Variants in ATXN3 observed in about 807,000 individuals in gnomAD.
ATXN3 encodes the protein ataxin-3.
In ATXN3, 28 loss-of-function variants were observed where a neutral mutation model predicts 58.2. The observed-to-expected ratio is 0.48, with a 90% CI of 0.36 to 0.66. The LOEUF (loss-of-function observed/expected upper bound fraction) is 0.66. ATXN3 is among the 30% of genes least tolerant of loss of function. The probability of loss-of-function intolerance (pLI) is 0.00; values close to 1 mark genes in which losing one functional copy is unlikely to be tolerated. For missense variants in ATXN3, 321 were observed against 422.1 expected, an observed-to-expected ratio of 0.76 and a Z score of 2.10; for synonymous variants, 113 against 138.5, an observed-to-expected ratio of 0.82 and a Z score of 1.29.
intron 8 of ATXN3, 112 bp downstream of exon 8, chr14:92,082,188 T>C (rs1197837807): frequency 1.6e-6 from 2 of 1,218,250 alleles, no homozygotes; most frequent in Non-Finnish European, 2.3e-6. Context: ...AGCTATTGCT[T>C]CTGCAGTAAT....
intron 9 of ATXN3, among the ~76,000 whole-genome samples, chr14:92,078,263 C>A (rs757033446): frequency 1.3e-5 from 2 of 151,826 alleles, no homozygotes; most frequent in Admixed American, 1.3e-4. Flanking sequence ...GGATTAGAGG[C>A]GTGAGCCACC....
At chr14:92,049,839 T>TG (rs1267736703), upstream of ATXN3, 1 of 152,316 alleles carries the variant, frequency 6.6e-6, no homozygotes, top group Non-Finnish European at 1.5e-5. Context: ...ATGAGACATG[T>TG]AAGTATCTGC....
intron 3 of ATXN3, among the ~76,000 whole-genome samples, chr14:92,094,087 C>T (rs2064585269): frequency 1.3e-5 from 2 of 151,754 alleles, no homozygotes; most frequent in Non-Finnish European, 1.5e-5. Flanking sequence ...GGATTACAAG[C>T]ACACGCCACC....
At chr14:92,084,293 T>C (rs767384339) in intron 6 of ATXN3, among the ~76,000 whole-genome samples, 9 of 152,184 alleles carry the variant, frequency 5.9e-5, no homozygotes, top group Non-Finnish European at 8.8e-5. Context: ...ACTAGTAACA[T>C]GGCTAAAACT....
intron 10 of ATXN3, among the ~76,000 whole-genome samples, chr14:92,066,149 T>C (rs1053020315): frequency 6.6e-6 from 1 of 152,122 alleles, no homozygotes. Context: ...GTATAGATGC[T>C]ATGTCATATG....
At chr14:92,106,445 C>T (rs1350394736) in intron 1 of ATXN3, 84 bp downstream of exon 1, 15 of 1,579,844 alleles carry the variant, frequency 9.5e-6, no homozygotes, top group Non-Finnish European at 1.1e-5. Flanking sequence ...TCGGGCCCCA[C>T]CCAGCCCTCC....
At chr14:92,071,747 G>A (rs911134714) in intron 9 of ATXN3, among the ~76,000 whole-genome samples, 5 of 152,164 alleles carry the variant, frequency 3.3e-5, no homozygotes, top group African/African-American at 1.2e-4. Context: ...AAACTACCAT[G>A]TGAGTTAACA....
chr14:92,064,718 G>A (rs1220461618), intron 10 of ATXN3, among the ~76,000 whole-genome samples: 2 of 151,956 alleles, frequency 1.3e-5, no homozygotes, highest in Non-Finnish European at 2.9e-5. Flanking sequence ...TTTCCTGCAC[G>A]TCATATAAAA....
chr14:92,062,933 A>G lies in ATXN3; in HGVS notation c.*1387T>C, dbSNP rs1253345214. 6.6e-6 allele frequency: 1 copy of G among 152,640 alleles called. No individual in the cohort carries two copies. Among genetic ancestry groups the G allele is most frequent in the Non-Finnish European group, 1.5e-5 (1 of 68,038 alleles). The allele number at this position is 152,640 out of a possible 1,614,324, so 9.5% of individuals were successfully genotyped here. ...TGGATTTTAGCTTATGAACAATTCA[A>G]CATTCAAAAGAGCTTCAAAAGGAGA... On this transcript the variant is annotated 3_prime_UTR_variant, in exon 11 of 11. Transcript: ENST00000644486.
intron 10 of ATXN3, among the ~76,000 whole-genome samples, chr14:92,069,138 G>A (rs2058978499): frequency 6.7e-6 from 1 of 148,164 alleles, no homozygotes; most frequent in Non-Finnish European, 1.5e-5. Flanking sequence ...GAGTTCAATG[G>A]CACAATCTTG....
In ATXN3 at chr14:92,096,638, A is replaced by G. The variant is rs1196489036; in HGVS notation, c.189+36T>C. The stretch of plus-strand genomic sequence containing the variant: ...GACTCCGTCTCAAAAAAAAAAAAAA[A>G]AAAGAAATGTGACTTAGTGAGTTTA... On this transcript the variant is annotated intron_variant, in intron 2 of 10. Transcript: ENST00000644486. The G allele has an allele frequency of 3.4e-5, 54 of 1,572,638 alleles. No individual in the cohort carries two copies. In the Admixed American group the frequency reaches 4.5e-4, roughly 13 times the overall value.
intron 10 of ATXN3, among the ~76,000 whole-genome samples, chr14:92,064,680 G>T (rs2140226972): frequency 6.6e-6 from 1 of 152,222 alleles, no homozygotes; most frequent in Non-Finnish European, 1.5e-5. Flanking sequence ...ATAGCCACCA[G>T]TATATTCTCT....
intron 5 of ATXN3, among the ~76,000 whole-genome samples, chr14:92,091,633 TA>T (rs1350865181): frequency 4.1e-5 from 6 of 146,064 alleles, no homozygotes; most frequent in East Asian, 4.2e-4. Flanking sequence ...ATTTACATTT[TA>T]AAAAAAACAG....
At chr14:92,087,267 G>T (rs570414402) in intron 6 of ATXN3, among the ~76,000 whole-genome samples, 116 of 152,274 alleles carry the variant, frequency 7.6e-4, no homozygotes, top group African/African-American at 2.7e-3. Context: ...AGGCTCATCT[G>T]AATTTTGTGA....
chr14:92,090,946 C>CTTTT (rs34338098), intron 5 of ATXN3, among the ~76,000 whole-genome samples: 47 of 116,460 alleles, frequency 4.0e-4, no homozygotes, highest in South Asian at 8.4e-4. Context: ...TGTAAGCTGC[C>CTTTT]TTTTTTTTTT....
intron 10 of ATXN3, among the ~76,000 whole-genome samples, chr14:92,069,330 C>T (rs2059023342): frequency 6.8e-6 from 1 of 147,100 alleles, no homozygotes; most frequent in African/African-American, 2.5e-5. Context: ...CTTGGCCTCC[C>T]AAAGTGCCGG....
intron 10 of ATXN3, among the ~76,000 whole-genome samples, chr14:92,065,552 C>T (rs74357844): frequency 0.022 from 2,963 of 137,088 alleles, 55 homozygotes; most frequent in South Asian, 0.097. Flanking sequence ...TGGGCAATTG[C>T]GTCAGTGGAA....
rs867348795 is a variant in ATXN3 at position 92,060,972 on chromosome 14, T to C, written c.*3348A>G. 5.5e-4 allele frequency: 84 copies of C among 152,236 alleles called. No individual in the cohort carries two copies. The highest frequency in any genetic ancestry group is 2.0e-3 in the African/African-American group (82 of 41,526). The allele number at this position is 152,236 out of a possible 1,614,324, so 9.4% of individuals were successfully genotyped here. ...TGGTCTCGAACTCCCGACCTCGTGATCCACCCACTTCGGCCTCCCAAAATG... is the reference window on the plus strand; with the variant it reads ...TGGTCTCGAACTCCCGACCTCGTGACCCACCCACTTCGGCCTCCCAAAATG... On this transcript the variant is annotated 3_prime_UTR_variant, in exon 11 of 11. Transcript: ENST00000644486.
At position 92,061,388 on chromosome 14, in the gene ATXN3, C is replaced by A. The variant is rs951978650; in HGVS notation, c.*2932G>T. 1 of 152,026 alleles carries A rather than the reference C, an allele frequency of 6.6e-6. No homozygotes were observed. The highest frequency in any genetic ancestry group is 1.9e-4 in the East Asian group (1 of 5,186). The allele number at this position is 152,026 out of a possible 1,614,324, so 9.4% of individuals were successfully genotyped here. Reference sequence around the variant, plus strand: ...ATATTTACATGATTACCGTAAAAAACATAGATTGATGGTTTTAGATCAGAG... The same window carrying A: ...ATATTTACATGATTACCGTAAAAAAAATAGATTGATGGTTTTAGATCAGAG... On this transcript the variant is annotated 3_prime_UTR_variant, in exon 11 of 11. Transcript: ENST00000644486.
Sources: allele counts gnomAD v4.1 joint callset (sites outside exome capture counted in the v4.1 genomes callset), GRCh38; gene constraint gnomAD v4.1.1; transcripts MANE v1.5; gene names NCBI Gene and HGNC (gene_info 2026-07-23, HGNC 2026-07-21).